Variants in MOK observed in about 807,000 individuals in gnomAD.
MOK encodes the protein MAPK/MAK/MRK overlapping kinase.
Under a neutral mutation model 54.2 loss-of-function variants are expected in MOK, and 59 were observed. That is an observed-to-expected ratio of 1.09 (90% confidence interval 0.88 to 1.35). The LOEUF (loss-of-function observed/expected upper bound fraction) is 1.35, where lower values mean the gene tolerates loss of function less well. Ranked by LOEUF, MOK falls within the 40% of genes most tolerant of loss-of-function variation. The pLI is 0.00. For missense variants in MOK, 517 were observed against 526.2 expected, an observed-to-expected ratio of 0.98 and a Z score of 0.17; for synonymous variants, 210 against 202.7, an observed-to-expected ratio of 1.04 and a Z score of -0.31.
chr14:102,224,584 C>T (rs928985447), downstream of MOK: 7 of 455,918 alleles, frequency 1.5e-5, no homozygotes, highest in African/African-American at 8.0e-5. Flanking sequence ...AAATTGGGGG[C>T]ATGTCTTTAC....
At chr14:102,255,756 C>A (rs914864472) in intron 4 of MOK, among the ~76,000 whole-genome samples, 1 of 152,188 alleles carries the variant, frequency 6.6e-6, no homozygotes, top group Non-Finnish European at 1.5e-5. Flanking sequence ...AAATAGAGTA[C>A]AATTAACGAG....
intron 4 of MOK, 59 bp from the exon 5 acceptor site, chr14:102,252,054 A>C: frequency 1.1e-6 from 1 of 951,758 alleles, no homozygotes; most frequent in East Asian, 2.4e-5. Flanking sequence ...CTCTTTTTTG[A>C]AATAAAAATA....
intron 4 of MOK, among the ~76,000 whole-genome samples, chr14:102,262,138 G>A (rs2067526357): frequency 6.7e-6 from 1 of 149,716 alleles, no homozygotes; most frequent in Non-Finnish European, 1.5e-5. Flanking sequence ...ACCGCGCCCA[G>A]CCCCTGGCCT....
intron 4 of MOK, among the ~76,000 whole-genome samples, chr14:102,254,944 T>C (rs894665200): frequency 1.3e-5 from 2 of 152,192 alleles, no homozygotes; most frequent in African/African-American, 4.8e-5. Context: ...TATCATAAAA[T>C]TGTCATTAGA....
At position 102,245,267 on chromosome 14, in the gene MOK, CCCCTA is replaced by C. The variant is rs2066006207; in HGVS notation, c.590+5540_590+5544del. Among the ~76,000 whole-genome samples, 1 of 152,102 alleles carries C rather than the reference CCCCTA, an allele frequency of 6.6e-6. No homozygotes were observed. Among genetic ancestry groups the C allele is most frequent in the African/African-American group, 2.4e-5 (1 of 41,394 alleles). On this transcript the variant is annotated intron_variant, in intron 7 of 11. Transcript: ENST00000361847. The surrounding 1 kb of genome is among the most constrained non-coding windows in gnomAD (Gnocchi z 4.3). ...TCTCCCACTCCAGGTTCCCACGCCA[CCCCTA>C]ATCCCACTCGAAGCAGCCCTGAGAA...
intron 4 of MOK, among the ~76,000 whole-genome samples, chr14:102,255,031 G>T (rs1597384692): frequency 6.6e-6 from 1 of 152,308 alleles, no homozygotes; most frequent in East Asian, 1.9e-4. Context: ...TAATCACCTA[G>T]AAGTCTTTTA....
chr14:102,261,113 T>C (rs1310533265), intron 4 of MOK, among the ~76,000 whole-genome samples: 1 of 151,292 alleles, frequency 6.6e-6, no homozygotes, highest in Non-Finnish European at 1.5e-5. Context: ...AAAAAATAGC[T>C]GGGCGTGGTG....
chr14:102,294,853 G>A lies in MOK; in HGVS notation c.7+10109C>T, dbSNP rs957740740. ...GTGTGCCAATGTCCCAGGCTGGCTC[G>A]AAACCATCACAACCAGCAATAAATG... On this transcript the variant is annotated intron_variant, in intron 1 of 11. Transcript: ENST00000361847. Among the ~76,000 whole-genome samples, 8 of 152,118 alleles carry A rather than the reference G, an allele frequency of 5.3e-5. No individual in the cohort carries two copies. The East Asian group carries it at 5.8e-4, about 11-fold the overall frequency.
At chr14:102,234,443 CGAAA>C (rs2065031690) in intron 7 of MOK, among the ~76,000 whole-genome samples, 1 of 152,128 alleles carries the variant, frequency 6.6e-6, no homozygotes, top group Admixed American at 6.5e-5. Flanking sequence ...CTCCCATTTC[CGAAA>C]GACCCAGCGC....
At chr14:102,294,328 C>T (rs985675675) in intron 1 of MOK, among the ~76,000 whole-genome samples, 3 of 151,934 alleles carry the variant, frequency 2.0e-5, no homozygotes, top group Non-Finnish European at 4.4e-5. Flanking sequence ...CACGTGTAGT[C>T]CCAGCTACTC....
At chr14:102,291,526 G>A (rs553475220) in intron 1 of MOK, among the ~76,000 whole-genome samples, 3 of 152,262 alleles carry the variant, frequency 2.0e-5, no homozygotes, top group South Asian at 4.1e-4. Flanking sequence ...GCTGTTGCTT[G>A]CTAAAACACC....
chr14:102,247,239 C>G (rs1412975554), intron 7 of MOK, among the ~76,000 whole-genome samples: 3 of 152,218 alleles, frequency 2.0e-5, no homozygotes, highest in African/African-American at 7.2e-5. Flanking sequence ...AGCAGCAGCT[C>G]TAGCTGGGGC....
At chr14:102,228,000 T>G (rs375641631), downstream of MOK, among the ~76,000 whole-genome samples, 4 of 152,248 alleles carry the variant, frequency 2.6e-5, no homozygotes, top group Admixed American at 2.0e-4. Context: ...ACCCAATTAC[T>G]AAGTTACTTT....
chr14:102,252,461 A>G (rs927673966), intron 4 of MOK, among the ~76,000 whole-genome samples: 1 of 152,166 alleles, frequency 6.6e-6, no homozygotes, highest in African/African-American at 2.4e-5. Flanking sequence ...GTCCAAAAAA[A>G]AAAAATCTAT....
At chr14:102,219,922 G>GT (rs1469359839), downstream of MOK, among the ~76,000 whole-genome samples, 1 of 152,250 alleles carries the variant, frequency 6.6e-6, no homozygotes, top group Non-Finnish European at 1.5e-5. Flanking sequence ...GTGGGACAGT[G>GT]GAGGGCATGA....
chr14:102,242,167 C>G (rs1410902523), intron 7 of MOK, among the ~76,000 whole-genome samples: 1 of 152,298 alleles, frequency 6.6e-6, no homozygotes, highest in African/African-American at 2.4e-5. Context: ...GTAACTCTTA[C>G]AGTGGAGGGT....
intron 1 of MOK, 119 bp downstream of exon 1, chr14:102,304,843 A>G (rs1157919629): frequency 1.7e-6 from 2 of 1,195,322 alleles, no homozygotes; most frequent in Non-Finnish European, 2.4e-6. Context: ...CTGTCGAGCC[A>G]CGGCAGAAGG....
intron 1 of MOK, among the ~76,000 whole-genome samples, chr14:102,294,645 G>C (rs2071237874): frequency 1.3e-5 from 2 of 151,780 alleles, no homozygotes; most frequent in African/African-American, 2.4e-5. Flanking sequence ...GAAAATCAAA[G>C]GAGGGATTGG....
At chr14:102,258,372 G>A (rs1443278585) in intron 4 of MOK, among the ~76,000 whole-genome samples, 2 of 152,184 alleles carry the variant, frequency 1.3e-5, no homozygotes, top group African/African-American at 4.8e-5. Context: ...CCCTCTGCCT[G>A]AAGTACTCTA....
Sources: gnomAD v4.1 joint callset for allele counts (sites outside exome capture counted in the v4.1 genomes callset) on GRCh38, gnomAD v4.1.1 for gene constraint, Gnocchi (gnomAD v3.1) non-coding constraint, MANE v1.5 for transcripts, NCBI Gene and HGNC (gene_info 2026-07-23, HGNC 2026-07-21) for gene names.